Variants in XRCC2 observed in about 807,000 individuals in gnomAD.
XRCC2 encodes the protein DNA repair protein XRCC2.
XRCC2 carries 24 observed loss-of-function variants against 27.3 expected under a neutral mutation model. The ratio of observed to expected loss-of-function variants is 0.88; its 90% CI spans 0.64 to 1.24. The LOEUF (loss-of-function observed/expected upper bound fraction) is 1.24, where lower values mean the gene tolerates loss of function less well. Among genes scored for constraint, XRCC2 ranks in the 50% most tolerant of loss-of-function variants. The pLI is 0.00. For synonymous variants in XRCC2, 106 were observed against 115.4 expected, an observed-to-expected ratio of 0.92 and a Z score of 0.52; for missense variants, 321 against 325.8, an observed-to-expected ratio of 0.99 and a Z score of 0.11.
intron 1 of XRCC2, among the ~76,000 whole-genome samples, chr7:152,666,660 A>G (rs3218434): frequency 0.95 from 143,128 of 151,048 alleles, 67,865 homozygotes; most frequent in Admixed American, 0.96. Context: ...CTTTGTCACC[A>G]AGGCTGGAGT....
chr7:152,649,423 G>A, intron 2 of XRCC2, 60 bp from the exon 3 acceptor site: 3 of 1,498,638 alleles, frequency 2.0e-6, no homozygotes, highest in East Asian at 2.3e-5. Context: ...GTTACAAAAT[G>A]CAAAGTCTGC....
At chr7:152,654,787 C>A (rs2098030055) in intron 2 of XRCC2, among the ~76,000 whole-genome samples, 1 of 152,160 alleles carries the variant, frequency 6.6e-6, no homozygotes, top group Non-Finnish European at 1.5e-5. Context: ...ACATTAATAG[C>A]AAAGCAGGTA....
At position 152,648,647 on chromosome 7, in the gene XRCC2, A is replaced by G. The variant is rs781456570; in HGVS notation, c.838T>C (p.Cys280Arg). The change falls in exon 3 of 3, where the codon TGT (cysteine) becomes CGT (arginine). Residue 280 changes from cysteine to arginine, a missense_variant. Coordinates refer to ENST00000359321, the MANE Select transcript of XRCC2 (RefSeq NM_005431.2). ...FIIGESGVEF[C>R] ...AGACTATTTTATGATGTATATCAAC[A>G]AAATTCAACCCCACTTTCTCCAATA... is the stretch of plus-strand genomic sequence containing the variant. The G allele has an allele frequency of 1.3e-6, 2 of 1,595,672 alleles. No homozygotes were observed. Among genetic ancestry groups the G allele is most frequent in the South Asian group, 2.3e-5 (2 of 87,546 alleles).
chr7:152,649,199 G>T lies in XRCC2; in HGVS notation c.286C>A (p.Leu96Ile), dbSNP rs778698188. 3 of 1,613,770 alleles carry T rather than the reference G, an allele frequency of 1.9e-6. No homozygotes were observed. The highest frequency in any genetic ancestry group is 2.5e-6 in the Non-Finnish European group (3 of 1,180,008). ...HFDMLRLVTI[L>I]EHRLSQSSEE... is the part of the protein sequence containing the mutation. ...GAGCTTTGGGATAGTCTGTGCTCAA[G>T]AATTGTAACTAGCCGGAGCATATCA... The change falls in exon 3 of 3, where the codon CTT becomes ATT. Residue 96 changes from leucine to isoleucine, a missense_variant. Leu to Ile is a conservative substitution (Grantham distance 5, BLOSUM62 2). Transcript: ENST00000359321.
At chr7:152,663,722 C>G (rs2098034332) in intron 1 of XRCC2, among the ~76,000 whole-genome samples, 1 of 152,100 alleles carries the variant, frequency 6.6e-6, no homozygotes, top group African/African-American at 2.4e-5. Context: ...ACCTGTAGTC[C>G]CAGCTACTCA....
chr7:152,648,832 TCA>T lies in XRCC2; in HGVS notation c.651_652del (p.Cys217Ter), dbSNP rs746142129. 6.3e-5 allele frequency: 102 copies of T among 1,613,814 alleles called. No individual in the cohort carries two copies. Among genetic ancestry groups the T allele is most frequent in the Non-Finnish European group, 8.3e-5 (98 of 1,179,824 alleles). On this transcript the variant is annotated stop_gained and frameshift_variant, in exon 3 of 3. Coordinates refer to ENST00000359321, the MANE Select transcript of XRCC2 (RefSeq NM_005431.2). LOFTEE classifies it high-confidence loss of function. The stretch of plus-strand genomic sequence containing the variant: ...ATAAGGTCTGTAGTCTATGTCCACA[TCA>T]CACAGTCGTCGAGAGGCATGAGAAG...
chr7:152,659,114 C>T (rs2098031993), intron 2 of XRCC2, among the ~76,000 whole-genome samples: 1 of 152,074 alleles, frequency 6.6e-6, no homozygotes, highest in Non-Finnish European at 1.5e-5. Context: ...ACAATTTCTC[C>T]ACATCCTTGC....
intron 1 of XRCC2, among the ~76,000 whole-genome samples, chr7:152,671,862 G>A (rs1000120005): frequency 6.6e-5 from 10 of 152,048 alleles, no homozygotes; most frequent in African/African-American, 1.2e-4. Flanking sequence ...GAAACATGGC[G>A]AAACCCCATC....
intron 2 of XRCC2, among the ~76,000 whole-genome samples, chr7:152,651,550 C>A (rs2098028537): frequency 1.3e-5 from 2 of 152,000 alleles, no homozygotes; most frequent in African/African-American, 4.8e-5. Flanking sequence ...CAAGACTGCA[C>A]CAAATTTCCA....
At chr7:152,651,938 G>A (rs1344151575) in intron 2 of XRCC2, among the ~76,000 whole-genome samples, 2 of 151,938 alleles carry the variant, frequency 1.3e-5, no homozygotes, top group Non-Finnish European at 2.9e-5. Flanking sequence ...AGCTGAAGTG[G>A]GAGGATCACT....
rs188835340 is a variant in XRCC2, at chr7:152,670,773, A to G, written c.39+5268T>C. Among the ~76,000 whole-genome samples, 54 of 151,856 alleles carry G rather than the reference A, an allele frequency of 3.6e-4. 1 individual carries two copies. The East Asian group carries it at 1.0e-2, about 28-fold the overall frequency. ...TGCCACCATGCCCGGTAATTTTTGT[A>G]TTTTTAGTAGAGACAGGGTTTTGCC... is the stretch of plus-strand genomic sequence containing the variant. On this transcript the variant is annotated intron_variant, in intron 1 of 2. Coordinates refer to ENST00000359321, the MANE Select transcript of XRCC2 (RefSeq NM_005431.2).
rs1475687900 is a variant in XRCC2, at chr7:152,647,482, T to C, written c.*1160A>G. The C allele has an allele frequency of 6.7e-6, 1 of 149,776 alleles. No homozygotes were observed. The allele number at this position is 149,776 out of a possible 1,614,324, so 9.3% of individuals were successfully genotyped here. On this transcript the variant is annotated 3_prime_UTR_variant, in exon 3 of 3. Coordinates refer to ENST00000359321, the MANE Select transcript of XRCC2 (RefSeq NM_005431.2). ...CATGAAATCTTTGCCTGTGCCTATG[T>C]CCTGAATGGTACTGCCTGGGTTGTC...
intron 2 of XRCC2, among the ~76,000 whole-genome samples, chr7:152,656,659 C>T (rs1010182899): frequency 6.6e-6 from 1 of 152,132 alleles, no homozygotes; most frequent in Admixed American, 6.5e-5. Context: ...ATATAATATT[C>T]TAATGTAGAA....
intron 2 of XRCC2, among the ~76,000 whole-genome samples, chr7:152,659,287 A>G (rs2098032065): frequency 6.6e-6 from 1 of 152,218 alleles, no homozygotes; most frequent in Non-Finnish European, 1.5e-5. Context: ...ATACAAAAGC[A>G]AAAAATGATA....
At chr7:152,650,113 C>T (rs1429186484) in intron 2 of XRCC2, among the ~76,000 whole-genome samples, 1 of 152,232 alleles carries the variant, frequency 6.6e-6, no homozygotes, top group Non-Finnish European at 1.5e-5. Flanking sequence ...GGTGAAGGCA[C>T]TCCCTAATTA....
intron 2 of XRCC2, among the ~76,000 whole-genome samples, chr7:152,651,826 T>C (rs561918445): frequency 1.3e-5 from 2 of 152,054 alleles, no homozygotes; most frequent in South Asian, 4.2e-4. Flanking sequence ...AGCTTTCTTA[T>C]AGCATAGTAT....
At chr7:152,653,924 G>A (rs989067228) in intron 2 of XRCC2, among the ~76,000 whole-genome samples, 4 of 152,250 alleles carry the variant, frequency 2.6e-5, no homozygotes, top group Non-Finnish European at 5.9e-5. Flanking sequence ...AGCCGGGCGC[G>A]GTGGCTCACG....
chr7:152,649,550 G>T (rs2098027629), intron 2 of XRCC2, among the ~76,000 whole-genome samples, 187 bp from the exon 3 acceptor site: 1 of 152,168 alleles, frequency 6.6e-6, no homozygotes, highest in Non-Finnish European at 1.5e-5. Context: ...TGGTGGGAAG[G>T]TTGGAAGAGG....
chr7:152,655,284 T>C (rs1370484145), intron 2 of XRCC2, among the ~76,000 whole-genome samples: 2 of 152,240 alleles, frequency 1.3e-5, no homozygotes, highest in African/African-American at 4.8e-5. Context: ...CCAAAAAAGC[T>C]ATCATCTTGG....
Sources: gnomAD v4.1 joint callset for allele counts (sites outside exome capture counted in the v4.1 genomes callset) on GRCh38, gnomAD v4.1.1 for gene constraint, MANE v1.5 for transcripts, NCBI Gene and HGNC (gene_info 2026-07-23, HGNC 2026-07-21) for gene names.